The following PRDM16 variants were observed in gnomAD, a reference collection of about 807,000 sequenced individuals.
PRDM16 encodes PR/SET domain 16, also known as histone-lysine N-methyltransferase PRDM16.
Under a neutral mutation model 110.6 loss-of-function variants are expected in PRDM16, and 23 were observed. That is an observed-to-expected ratio of 0.21 (90% CI 0.15 to 0.29). The LOEUF is 0.29. PRDM16 is among the 10% of genes least tolerant of loss of function. The pLI is 1.00. For missense variants in PRDM16, 1,615 were observed against 1,794.3 expected (o/e 0.90, Z 1.81); for synonymous variants, 799 against 781.8 (o/e 1.02, Z -0.37).
intron 1 of PRDM16, among the ~76,000 whole-genome samples, chr1:3,150,928 C>T (rs1259768109): frequency 5.6e-5 from 4 of 70,948 alleles, no homozygotes; most frequent in Non-Finnish European, 7.5e-5. Flanking sequence ...GCTATGGAAA[C>T]GGGGGGGCTG....
chr1:3,111,582 G>T (rs1279681861), intron 1 of PRDM16, among the ~76,000 whole-genome samples: 1 of 141,504 alleles, frequency 7.1e-6, no homozygotes, highest in Non-Finnish European at 1.6e-5. Flanking sequence ...GGGGAAGAGG[G>T]AGGAGGGTGC....
intron 3 of PRDM16, among the ~76,000 whole-genome samples, chr1:3,335,898 G>A (rs753463379): frequency 8.5e-5 from 13 of 152,196 alleles, no homozygotes; most frequent in Non-Finnish European, 1.8e-4. Context: ...AGCTCAGACT[G>A]GTCTCCATGA....
chr1:3,262,047 C>T (rs150715171), intron 3 of PRDM16, among the ~76,000 whole-genome samples: 184 of 152,340 alleles, frequency 1.2e-3, no homozygotes, highest in African/African-American at 4.4e-3. Flanking sequence ...AAAAATCAGT[C>T]GGCTTGTTTA....
intron 2 of PRDM16, among the ~76,000 whole-genome samples, chr1:3,234,708 A>G (rs1639501123): frequency 6.6e-6 from 1 of 152,094 alleles, no homozygotes; most frequent in East Asian, 1.9e-4. Context: ...GGTGAACATG[A>G]CCATGTAGCA....
chr1:3,145,774 C>T lies in PRDM16; in HGVS notation c.38-40351C>T, dbSNP rs189438930. Among the ~76,000 whole-genome samples, 52 of 152,330 alleles carry T rather than the reference C, an allele frequency of 3.4e-4. 1 individual carries two copies. Among genetic ancestry groups the T allele is most frequent in the African/African-American group, 6.5e-4 (27 of 41,580 alleles). On this transcript the variant is annotated intron_variant, in intron 1 of 16. Transcript: ENST00000270722. ...AGACAGTGAGGTCATTCCTGCCCAC[C>T]GAGGCTCCCGATAACCTCATTAAGA...
intron 3 of PRDM16, among the ~76,000 whole-genome samples, chr1:3,277,829 G>A (rs1355401279): frequency 2.6e-5 from 4 of 152,144 alleles, no homozygotes; most frequent in African/African-American, 7.2e-5. Flanking sequence ...ATATGCACAT[G>A]CACACACGTG....
rs576233726 is a variant in PRDM16 at position 3,147,108 on chromosome 1, G to A, written c.38-39017G>A. On this transcript the variant is annotated intron_variant, in intron 1 of 16. Coordinates refer to ENST00000270722, the MANE Select transcript of PRDM16 (RefSeq NM_022114.4). ...TGCGCTCGGTGTGGGGTGTGTGTAC[G>A]CGTGTGCTCGGTATGGAGTGTGTGT... is the stretch of plus-strand genomic sequence containing the variant. Among the ~76,000 whole-genome samples the A allele has an allele frequency of 4.4e-4, 64 of 146,616 alleles. 1 individual carries two copies. The highest frequency in any genetic ancestry group is 5.1e-4 in the African/African-American group (20 of 39,578).
intron 2 of PRDM16, among the ~76,000 whole-genome samples, chr1:3,242,067 A>T (rs1048750285): frequency 6.6e-6 from 1 of 152,190 alleles, no homozygotes; most frequent in Non-Finnish European, 1.5e-5. Flanking sequence ...TGGGAACAGG[A>T]GGGAGCCTCC....
intron 10 of PRDM16, among the ~76,000 whole-genome samples, chr1:3,415,562 G>T (rs531034756): frequency 2.6e-5 from 4 of 152,374 alleles, no homozygotes; most frequent in South Asian, 4.1e-4. Context: ...GATTTTCCTC[G>T]GGATGGGCTG....
At chr1:3,150,536 T>A (rs1420133298) in intron 1 of PRDM16, among the ~76,000 whole-genome samples, 1 of 152,110 alleles carries the variant, frequency 6.6e-6, no homozygotes. Context: ...CCAGCCTGGG[T>A]GACAGAGCGA....
At chr1:3,408,891 AGAGCGCATGAGGGTGGGC>A in intron 8 of PRDM16, among the ~76,000 whole-genome samples, 1 of 142,258 alleles carries the variant, frequency 7.0e-6, no homozygotes, top group African/African-American at 2.8e-5. Flanking sequence ...TGTGTGTGTG[AGAGCGCATGAGGGTGGGC>A]GTGTGAGCCA....
intron 5 of PRDM16, among the ~76,000 whole-genome samples, chr1:3,398,099 T>G (rs1055395574): frequency 6.6e-6 from 1 of 152,198 alleles, no homozygotes; most frequent in African/African-American, 2.4e-5. Flanking sequence ...AAATAATTGT[T>G]GAAAAGATCT....
In PRDM16 at chr1:3,412,155, T is replaced by C. The variant is rs371011963; in HGVS notation, c.1958T>C (p.Leu653Ser). 21 of 1,562,594 alleles carry C rather than the reference T, an allele frequency of 1.3e-5. No individual in the cohort carries two copies. The African/African-American group carries it at 2.7e-4, about 20-fold the overall frequency. Reference protein sequence around the residue: ...AEGQPKFGGGLAPPGAPNSVA... With the variant: ...AEGQPKFGGGSAPPGAPNSVA... Reference sequence around the variant, plus strand: ...GGCCAGCCCAAGTTTGGGGGCGGCTTGGCGCCCCCGGGGGCCCCGAACAGC... The same window carrying C: ...GGCCAGCCCAAGTTTGGGGGCGGCTCGGCGCCCCCGGGGGCCCCGAACAGC... Residue 653 changes from leucine to serine, a missense_variant, in exon 9 of 17, where the codon TTG (leucine) becomes TCG (serine). Leu to Ser is a moderately radical substitution (Grantham distance 145). Around this residue, in one of 5 missense-constraint regions of PRDM16, gnomAD observed 772 missense variants for 748.3 expected, o/e 1.03. Coordinates refer to ENST00000270722, the MANE Select transcript of PRDM16 (RefSeq NM_022114.4).
At chr1:3,400,603 G>A (rs867940332) in intron 5 of PRDM16, among the ~76,000 whole-genome samples, 1 of 152,176 alleles carries the variant, frequency 6.6e-6, no homozygotes, top group African/African-American at 2.4e-5. Flanking sequence ...GGTTTGGGAC[G>A]GAGCCCTCCA....
At chr1:3,195,152 G>A (rs1027974897) in intron 2 of PRDM16, among the ~76,000 whole-genome samples, 3 of 152,210 alleles carry the variant, frequency 2.0e-5, no homozygotes, top group African/African-American at 7.2e-5. Context: ...TGCGGAGCCT[G>A]AGGCCACCGT....
rs1461891113 is a variant in PRDM16, at chr1:3,201,639, T to C, written c.387+15165T>C. 6.6e-6 allele frequency among the ~76,000 whole-genome samples: 1 copy of C among 152,224 alleles called. No individual in the cohort carries two copies. Among genetic ancestry groups the C allele is most frequent in the East Asian group, 1.9e-4 (1 of 5,194 alleles). Reference sequence around the variant, plus strand: ...GGCTGGGAGCCCCGGCTCTGACGTTTCTCCAGTGACCCCTGGCAGGTCGGG... The same window carrying C: ...GGCTGGGAGCCCCGGCTCTGACGTTCCTCCAGTGACCCCTGGCAGGTCGGG... On this transcript the variant is annotated intron_variant, in intron 2 of 16. Coordinates refer to ENST00000270722, the MANE Select transcript of PRDM16 (RefSeq NM_022114.4). The surrounding 1 kb of genome is among the most constrained non-coding windows in gnomAD (Gnocchi z 4.1).
chr1:3,247,920 C>G (rs1483912167), intron 3 of PRDM16, among the ~76,000 whole-genome samples: 2 of 152,188 alleles, frequency 1.3e-5, no homozygotes, highest in African/African-American at 4.8e-5. Flanking sequence ...AGGGAAAGCC[C>G]GGGGGCTCCT....
intron 2 of PRDM16, chr1:3,207,882 C>T (rs995789494): frequency 4.6e-5 from 7 of 152,368 alleles, no homozygotes; most frequent in Admixed American, 3.9e-4. Context: ...GCAGGAAGCC[C>T]CCGACCCCTG....
rs866493969 is a variant in PRDM16, at chr1:3,150,853, T to C, written c.38-35272T>C. On this transcript the variant is annotated intron_variant, in intron 1 of 16. Coordinates refer to ENST00000270722, the MANE Select transcript of PRDM16 (RefSeq NM_022114.4). ...GGAAAGCACAGAGCTGCAAGAGCTA[T>C]GGAGGCCGGGTGGGGGCGGGGGGGC... Among the ~76,000 whole-genome samples, 5 of 123,208 alleles carry C rather than the reference T, an allele frequency of 4.1e-5. No individual in the cohort carries two copies. In the South Asian group the frequency reaches 1.1e-3, roughly 28 times the overall value. 80.8% of individuals were successfully genotyped at this position (123,208 alleles called of 152,430 possible). A position where few individuals can be genotyped will look rare whatever the true frequency, so the allele number is the denominator to read the frequency against.
Sources: gnomAD v4.1 joint callset for allele counts (sites outside exome capture counted in the v4.1 genomes callset) on GRCh38, gnomAD v4.1.1 for gene constraint, gnomAD v4.1.1 regional missense constraint, Gnocchi (gnomAD v3.1) non-coding constraint, MANE v1.5 for transcripts, NCBI Gene and HGNC (gene_info 2026-07-23, HGNC 2026-07-21) for gene names.